ZFHX3: variants seen among roughly 807,000 people sequenced by gnomAD.
The protein encoded by ZFHX3 is zinc finger homeobox 3.
ZFHX3 carries 42 observed loss-of-function variants against 279.1 expected under a neutral mutation model. The ratio of observed to expected loss-of-function variants is 0.15; its 90% CI spans 0.12 to 0.19. ZFHX3 has a LOEUF of 0.19. Ranked by LOEUF, ZFHX3 falls within the 10% of genes least tolerant of loss-of-function variation. ZFHX3 has a pLI of 1.00. For missense variants in ZFHX3, 4,981 were observed against 4,754.0 expected, an observed-to-expected ratio of 1.05 and a Z score of -1.40; for synonymous variants, 2,293 against 1,957.8, an observed-to-expected ratio of 1.17 and a Z score of -4.52.
At position 72,957,574 on chromosome 16, in the gene ZFHX3, C is replaced by T. The variant is rs1205716595; in HGVS notation, c.2572G>A (p.Glu858Lys). The T allele has an allele frequency of 3.5e-5, 56 of 1,613,648 alleles. No individual in the cohort carries two copies. The highest frequency in any genetic ancestry group is 4.4e-5 in the Non-Finnish European group (52 of 1,179,952). ...LGLGSLPSPA[E>K]AELYQYYLAQ... ...AGGTAGTATTGGTAGAGCTCGGCCT[C>T]GGCGGGTGAGGGCAGGCTGCCGAGG... The change falls in exon 2 of 10, where the codon GAG becomes AAG. Residue 858 changes from glutamate to lysine, a missense_variant. Physicochemically the swap from Glu to Lys is moderately conservative, Grantham distance 56. Transcript: ENST00000268489.
At chr16:73,258,618 G>A (rs1341804693) in intron 4 of ZFHX3, among the ~76,000 whole-genome samples, 2 of 152,096 alleles carry the variant, frequency 1.3e-5, no homozygotes, top group Non-Finnish European at 2.9e-5. Flanking sequence ...AAAGTGCTGG[G>A]ATTACAGGCG....
intron 1 of ZFHX3, among the ~76,000 whole-genome samples, chr16:73,691,581 T>C (rs569955236): frequency 2.0e-5 from 3 of 152,204 alleles, no homozygotes; most frequent in Admixed American, 2.0e-4. Flanking sequence ...TATCAAATAT[T>C]GTACCCGATA....
At chr16:72,845,951 T>G (rs1176085347) in intron 4 of ZFHX3, among the ~76,000 whole-genome samples, 1 of 152,116 alleles carries the variant, frequency 6.6e-6, no homozygotes, top group Admixed American at 6.5e-5. Flanking sequence ...AATGGCTACC[T>G]CTAGAGGCAC....
intron 2 of ZFHX3, among the ~76,000 whole-genome samples, chr16:73,612,161 A>C (rs1236920458): frequency 6.6e-6 from 1 of 152,174 alleles, no homozygotes; most frequent in East Asian, 1.9e-4. Flanking sequence ...TAAAAAAGTT[A>C]TTTGGGGAGA....
intron 1 of ZFHX3, among the ~76,000 whole-genome samples, chr16:73,835,608 T>G (rs1961124713): frequency 6.6e-6 from 1 of 151,588 alleles, no homozygotes; most frequent in Non-Finnish European, 1.5e-5. Flanking sequence ...GTAGCTGGGA[T>G]TACAGGCACC....
intron 1 of ZFHX3, among the ~76,000 whole-genome samples, chr16:73,056,634 C>A (rs1214324886): frequency 1.3e-5 from 2 of 152,214 alleles, no homozygotes; most frequent in African/African-American, 4.8e-5. Context: ...TTCCGGAGGG[C>A]AGGGCAGTAA....
At chr16:73,485,182 G>T (rs1395188179) in intron 2 of ZFHX3, among the ~76,000 whole-genome samples, 1 of 152,066 alleles carries the variant, frequency 6.6e-6, no homozygotes, top group Non-Finnish European at 1.5e-5. Flanking sequence ...AAGAGGAAAC[G>T]GCAACTTGCT....
chr16:72,877,480 A>G (rs1466345912), intron 4 of ZFHX3, among the ~76,000 whole-genome samples: 1 of 152,194 alleles, frequency 6.6e-6, no homozygotes, highest in Non-Finnish European at 1.5e-5. Flanking sequence ...CACGCATCAG[A>G]GTGTCCAGCG....
At chr16:73,367,817 A>G (rs73590921) in intron 3 of ZFHX3, among the ~76,000 whole-genome samples, 4,049 of 151,996 alleles carry the variant, frequency 0.027, 192 homozygotes, top group African/African-American at 0.092. Flanking sequence ...CACAAGATAC[A>G]AGCACGTAGT....
intron 4 of ZFHX3, among the ~76,000 whole-genome samples, chr16:73,258,415 T>A (rs931701183): frequency 8.6e-5 from 13 of 151,894 alleles, no homozygotes; most frequent in African/African-American, 3.2e-4. Flanking sequence ...AGTGGTGCAA[T>A]CTCGGCTCAC....
At chr16:73,836,060 C>T (rs1406895710) in intron 1 of ZFHX3, among the ~76,000 whole-genome samples, 1 of 152,128 alleles carries the variant, frequency 6.6e-6, no homozygotes, top group African/African-American at 2.4e-5. Context: ...TACATGAAAG[C>T]TTTCACTCGA....
At chr16:73,229,534 A>G (rs532549916) in intron 5 of ZFHX3, among the ~76,000 whole-genome samples, 1 of 152,290 alleles carries the variant, frequency 6.6e-6, no homozygotes, top group East Asian at 1.9e-4. Context: ...ATCTCAATTA[A>G]GGTCTGCTTG....
chr16:73,576,199 C>T (rs1273551772), intron 2 of ZFHX3, among the ~76,000 whole-genome samples: 1 of 152,170 alleles, frequency 6.6e-6, no homozygotes, highest in Non-Finnish European at 1.5e-5. Context: ...ACAGCCAGGA[C>T]TCCGTAATCT....
At chr16:73,058,403 G>T (rs1012181828) in intron 1 of ZFHX3, 1 of 178,206 alleles carries the variant, frequency 5.6e-6, no homozygotes, top group East Asian at 1.4e-4. Flanking sequence ...GGGGCAGGAC[G>T]AGCCCCATGC....
At chr16:72,850,306 T>G (rs760213866) in intron 4 of ZFHX3, among the ~76,000 whole-genome samples, 4 of 152,240 alleles carry the variant, frequency 2.6e-5, no homozygotes, top group Non-Finnish European at 5.9e-5. Context: ...AAACATCACC[T>G]GCCCATCTTC....
intron 2 of ZFHX3, among the ~76,000 whole-genome samples, chr16:73,572,792 T>C (rs2051755526): frequency 6.6e-6 from 1 of 152,160 alleles, no homozygotes; most frequent in South Asian, 2.1e-4. Flanking sequence ...ATCTCCCAAT[T>C]ACAGGGAACC....
chr16:73,335,449 G>T (rs1001568176), intron 3 of ZFHX3, among the ~76,000 whole-genome samples: 1 of 152,174 alleles, frequency 6.6e-6, no homozygotes, highest in Non-Finnish European at 1.5e-5. Context: ...CAGGAGTAAA[G>T]TTTCCGCTGC....
intron 1 of ZFHX3, among the ~76,000 whole-genome samples, chr16:73,693,090 G>C (rs2053164518): frequency 6.6e-6 from 1 of 152,128 alleles, no homozygotes; most frequent in Non-Finnish European, 1.5e-5. Context: ...TAAAAGTAAA[G>C]TTAGCAGTAA....
At chr16:73,326,860 A>G (rs1317676770) in intron 3 of ZFHX3, among the ~76,000 whole-genome samples, 2 of 152,220 alleles carry the variant, frequency 1.3e-5, no homozygotes, top group Non-Finnish European at 2.9e-5. Context: ...TGAAACTCCC[A>G]ACATCAACAT....
Sources: gnomAD v4.1 joint callset for allele counts (sites outside exome capture counted in the v4.1 genomes callset) on GRCh38, gnomAD v4.1.1 for gene constraint, MANE v1.5 for transcripts, NCBI Gene and HGNC (gene_info 2026-07-23, HGNC 2026-07-21) for gene names.